The following CSGALNACT1 variants were observed in gnomAD, a reference collection of about 807,000 sequenced individuals.
CSGALNACT1 encodes the protein beta4GalNAcT-1.
In CSGALNACT1, 52 loss-of-function variants were observed where a neutral mutation model predicts 51.0. The ratio of observed to expected loss-of-function variants is 1.02; its 90% CI spans 0.82 to 1.29. CSGALNACT1 has a LOEUF of 1.29. Among genes scored for constraint, CSGALNACT1 ranks in the 50% most tolerant of loss-of-function variants. The pLI is 0.00. For synonymous variants in CSGALNACT1, 341 were observed against 254.4 expected (o/e 1.34, Z -3.24); for missense variants, 935 against 679.2 (o/e 1.38, Z -4.19).
At chr8:19,699,439 G>A (rs909686851) in intron 1 of CSGALNACT1, among the ~76,000 whole-genome samples, 3 of 152,108 alleles carry the variant, frequency 2.0e-5, no homozygotes, top group Non-Finnish European at 2.9e-5. Flanking sequence ...ATCATGAAGT[G>A]GAATATTACT....
chr8:19,435,739 G>C (rs895733509), intron 6 of CSGALNACT1, among the ~76,000 whole-genome samples: 1 of 152,162 alleles, frequency 6.6e-6, no homozygotes, highest in Non-Finnish European at 1.5e-5. Flanking sequence ...GAGCTCATCT[G>C]AGATTAACTG....
At chr8:19,420,655 G>A in intron 6 of CSGALNACT1, 137 bp from the exon 6 acceptor site, 2 of 892,588 alleles carry the variant, frequency 2.2e-6, no homozygotes, top group Non-Finnish European at 1.9e-6. Context: ...TCCCCAAGAA[G>A]TTACAGAACG....
intron 1 of CSGALNACT1, among the ~76,000 whole-genome samples, chr8:19,674,421 G>A (rs1247650211): frequency 1.3e-5 from 2 of 152,188 alleles, no homozygotes; most frequent in Non-Finnish European, 2.9e-5. Context: ...CTGCAGATAT[G>A]GTGGCAGGGG....
At chr8:19,412,857 T>C (rs916129216) in intron 8 of CSGALNACT1, among the ~76,000 whole-genome samples, 5 of 151,836 alleles carry the variant, frequency 3.3e-5, no homozygotes, top group Admixed American at 3.3e-4. Flanking sequence ...TTCCTTACTA[T>C]CTGGGCCCTG....
At chr8:19,730,724 CCTGATCATCCCTCTGA>C (rs988011527) in intron 1 of CSGALNACT1, among the ~76,000 whole-genome samples, 26 of 152,116 alleles carry the variant, frequency 1.7e-4, no homozygotes, top group African/African-American at 6.0e-4. Flanking sequence ...CGAAATGGCC[CCTGATCATCCCTCTGA>C]CTGTGTTCTT....
chr8:19,435,894 GCA>G (rs1340258007), intron 6 of CSGALNACT1, among the ~76,000 whole-genome samples: 1 of 151,670 alleles, frequency 6.6e-6, no homozygotes, highest in Admixed American at 6.6e-5. Context: ...ACACACACAC[GCA>G]CACACATTGA....
In CSGALNACT1 at chr8:19,471,150, G is replaced by A. The variant is rs550776022; in HGVS notation, c.635-12508C>T. ...GAGGGGAGAGAGAGAGAAAAAAAAA[G>A]GTGAAGTATGATCTTGGGGCACACT... On this transcript the variant is annotated intron_variant, in intron 4 of 9. Transcript: ENST00000454498. 2.0e-5 allele frequency among the ~76,000 whole-genome samples: 3 copies of A among 151,964 alleles called. No individual in the cohort carries two copies. The South Asian group carries it at 6.3e-4, about 32-fold the overall frequency.
At chr8:19,544,270 G>C (rs977028848) in intron 3 of CSGALNACT1, among the ~76,000 whole-genome samples, 1 of 152,064 alleles carries the variant, frequency 6.6e-6, no homozygotes, top group African/African-American at 2.4e-5. Flanking sequence ...TGAGACCACA[G>C]TTTTCTTTCT....
chr8:19,467,048 C>G (rs760738121), intron 4 of CSGALNACT1, among the ~76,000 whole-genome samples: 1 of 150,418 alleles, frequency 6.6e-6, no homozygotes, highest in Non-Finnish European at 1.5e-5. Context: ...CCTAATCCAT[C>G]AGAAATGTCT....
intron 1 of CSGALNACT1, among the ~76,000 whole-genome samples, chr8:19,661,397 T>G (rs4921664): frequency 6.6e-6 from 1 of 151,956 alleles, no homozygotes; most frequent in Non-Finnish European, 1.5e-5. Flanking sequence ...TTCTCCTGCA[T>G]GGCACTGACG....
At chr8:19,585,427 T>G (rs1313895212) in intron 3 of CSGALNACT1, 1 of 152,254 alleles carries the variant, frequency 6.6e-6, no homozygotes, top group African/African-American at 2.4e-5. Context: ...CTCTTGCCTC[T>G]GATTAAACCT....
chr8:19,530,240 AACAAAACAAAAC>A (rs1315227466), intron 3 of CSGALNACT1, among the ~76,000 whole-genome samples: 1 of 151,776 alleles, frequency 6.6e-6, no homozygotes, highest in African/African-American at 2.4e-5. Context: ...AACAAAACAA[AACAAAACAAAAC>A]AAAAAAAATT....
chr8:19,578,103 G>A (rs934794625), intron 3 of CSGALNACT1, among the ~76,000 whole-genome samples: 2 of 152,230 alleles, frequency 1.3e-5, no homozygotes, highest in African/African-American at 4.8e-5. Context: ...TCGTGGTCCA[G>A]GCGCAGGTGG....
At chr8:19,652,260 C>T (rs1200091809) in intron 1 of CSGALNACT1, among the ~76,000 whole-genome samples, 3 of 152,084 alleles carry the variant, frequency 2.0e-5, no homozygotes, top group Non-Finnish European at 4.4e-5. Flanking sequence ...CTGCTTTTTA[C>T]TTTTTAATAG....
chr8:19,648,431 T>C (rs1385880814), intron 1 of CSGALNACT1, among the ~76,000 whole-genome samples: 1 of 152,192 alleles, frequency 6.6e-6, no homozygotes, highest in South Asian at 2.1e-4. Context: ...ATTTCTACAT[T>C]CAATTTCTAG....
intron 1 of CSGALNACT1, among the ~76,000 whole-genome samples, chr8:19,692,018 A>C (rs1362145715): frequency 6.6e-6 from 1 of 151,866 alleles, no homozygotes; most frequent in Admixed American, 6.6e-5. Context: ...AAGGGGAAAC[A>C]AACACATAGT....
chr8:19,461,049 G>C (rs532683068), intron 4 of CSGALNACT1, among the ~76,000 whole-genome samples: 1 of 152,176 alleles, frequency 6.6e-6, no homozygotes, highest in Non-Finnish European at 1.5e-5. Flanking sequence ...GAATTACAAG[G>C]ACTAAGTTCC....
chr8:19,493,008 AAG>A (rs1587144226), intron 4 of CSGALNACT1, among the ~76,000 whole-genome samples: 1 of 152,148 alleles, frequency 6.6e-6, no homozygotes, highest in East Asian at 1.9e-4. Flanking sequence ...ATAAGTGAGA[AAG>A]AGAATCGACA....
At chr8:19,711,262 C>T (rs906580843) in intron 1 of CSGALNACT1, among the ~76,000 whole-genome samples, 5 of 151,996 alleles carry the variant, frequency 3.3e-5, no homozygotes, top group Non-Finnish European at 5.9e-5. Context: ...GTTTTAAAAC[C>T]GATATTTTTA....
Sources: allele counts gnomAD v4.1 joint callset (sites outside exome capture counted in the v4.1 genomes callset), GRCh38; gene constraint gnomAD v4.1.1; transcripts MANE v1.5; gene names NCBI Gene and HGNC (gene_info 2026-07-23, HGNC 2026-07-21).